Variants in ZNF438 observed in about 807,000 individuals in gnomAD.
ZNF438 encodes zinc finger protein 438.
ZNF438 carries 25 observed loss-of-function variants against 38.0 expected under a neutral mutation model. The observed-to-expected ratio is 0.66, with a 90% confidence interval of 0.48 to 0.92. ZNF438 has a LOEUF of 0.92. Ranked by LOEUF, ZNF438 falls within the 40% of genes least tolerant of loss-of-function variation. The pLI, the probability that ZNF438 is intolerant of heterozygous loss-of-function variation, is 0.00. For missense variants in ZNF438, 1,007 were observed against 999.6 expected (o/e 1.01, Z -0.10); for synonymous variants, 372 against 364.1 (o/e 1.02, Z -0.25).
rs183418518 is a variant in ZNF438, at chr10:31,014,969, C to G, written c.-192+16864G>C. 4.7e-3 allele frequency among the ~76,000 whole-genome samples: 713 copies of G among 152,214 alleles called. 8 individuals carry two copies. Among genetic ancestry groups the G allele is most frequent in the African/African-American group, 0.016 (668 of 41,514 alleles). The stretch of plus-strand genomic sequence containing the variant: ...AACTCCTGAGCTGAAGTCATCCCCC[C>G]ACTTCAGCCTCCTGAGTAGCAGAGA... On this transcript the variant is annotated intron_variant, in intron 1 of 5. Transcript: ENST00000413025.
chr10:30,866,681 A>C (rs1337439409), intron 4 of ZNF438, among the ~76,000 whole-genome samples: 2 of 152,074 alleles, frequency 1.3e-5, no homozygotes, highest in African/African-American at 4.8e-5. Context: ...AAAAATACAA[A>C]AAATTAGCCG....
intron 1 of ZNF438, among the ~76,000 whole-genome samples, chr10:31,010,972 T>C (rs1042808199): frequency 6.7e-6 from 1 of 148,322 alleles, no homozygotes; most frequent in Non-Finnish European, 1.5e-5. Context: ...ATTAGAACTA[T>C]GTTAACTTTT....
At chr10:30,904,987 G>A (rs1279576774) in intron 3 of ZNF438, among the ~76,000 whole-genome samples, 1 of 152,138 alleles carries the variant, frequency 6.6e-6, no homozygotes, top group Non-Finnish European at 1.5e-5. Context: ...AAGCTCTAGA[G>A]GGTAGGGTTC....
intron 1 of ZNF438, among the ~76,000 whole-genome samples, chr10:30,971,263 CT>C: frequency 6.6e-6 from 1 of 152,274 alleles, no homozygotes; most frequent in Middle Eastern, 3.4e-3. Context: ...CTCATAGTAA[CT>C]ACGCAGTAAG....
rs1356373596 is a variant in ZNF438 at position 30,857,710 on chromosome 10, G to T, written c.38-7343C>A. The T allele has an allele frequency of 2.7e-6, 4 of 1,505,250 alleles. No homozygotes were observed. The Admixed American group carries it at 6.0e-5, about 23-fold the overall frequency. The allele number at this position is 1,505,250 out of a possible 1,614,324, so 93.2% of individuals were successfully genotyped here. A position where few individuals can be genotyped will look rare whatever the true frequency, so the allele number is the denominator to read the frequency against. ...ATAGGACTCTGAGAAATCCAGAAAG[G>T]CTGTTGGATATTTGGAGAATGTGCA... On this transcript the variant is annotated intron_variant, in intron 4 of 5. Transcript: ENST00000413025.
rs1218250653 is a variant in ZNF438 at position 31,005,174 on chromosome 10, C to A, written c.-192+26659G>T. Among the ~76,000 whole-genome samples the A allele has an allele frequency of 2.0e-5, 3 of 152,146 alleles. No individual in the cohort carries two copies. In the East Asian group the frequency reaches 5.8e-4, roughly 29 times the overall value. ...ACTTGCACTCCCATGTTCACTGTAGCATGAGCCAAGATTTAGAAACAATAA... is the reference window on the plus strand; with the variant it reads ...ACTTGCACTCCCATGTTCACTGTAGAATGAGCCAAGATTTAGAAACAATAA... On this transcript the variant is annotated intron_variant, in intron 1 of 5. Coordinates refer to ENST00000413025, the Ensembl canonical transcript of ZNF438.
At chr10:30,859,476 T>C (rs1245576618) in intron 4 of ZNF438, among the ~76,000 whole-genome samples, 2 of 152,200 alleles carry the variant, frequency 1.3e-5, no homozygotes, top group Admixed American at 6.5e-5. Flanking sequence ...CTCTGCATGC[T>C]GACTGTAAGC....
exon 5 of ZNF438, chr10:30,849,997 T>C: frequency 5.6e-6 from 9 of 1,614,068 alleles, no homozygotes; most frequent in Non-Finnish European, 7.6e-6. Flanking sequence ...TCAGGATGGG[T>C]TTCTTTCTTG....
intron 1 of ZNF438, among the ~76,000 whole-genome samples, chr10:30,957,161 A>T (rs1008837993): frequency 6.6e-6 from 1 of 152,046 alleles, no homozygotes; most frequent in Non-Finnish European, 1.5e-5. Context: ...ACATTTTTTC[A>T]TATGTCTGTT....
At chr10:30,972,696 G>T (rs1453309305) in intron 1 of ZNF438, among the ~76,000 whole-genome samples, 2 of 152,114 alleles carry the variant, frequency 1.3e-5, no homozygotes, top group Non-Finnish European at 2.9e-5. Flanking sequence ...AAAAGACCAA[G>T]ACTTCAATGA....
At chr10:30,901,054 T>C (rs2041914521) in intron 3 of ZNF438, among the ~76,000 whole-genome samples, 2 of 152,240 alleles carry the variant, frequency 1.3e-5, no homozygotes, top group African/African-American at 4.8e-5. Flanking sequence ...CTTTGCTGTT[T>C]GGTATTTGCA....
At chr10:30,867,307 C>A (rs2133329559) in intron 4 of ZNF438, among the ~76,000 whole-genome samples, 1 of 134,320 alleles carries the variant, frequency 7.4e-6, no homozygotes, top group South Asian at 2.4e-4. Context: ...TAAATCAATG[C>A]CAGTCTTCTC....
At chr10:30,899,533 T>C (rs368145315) in intron 3 of ZNF438, among the ~76,000 whole-genome samples, 3 of 152,320 alleles carry the variant, frequency 2.0e-5, no homozygotes, top group East Asian at 1.9e-4. Flanking sequence ...AATACTATAC[T>C]CTTAAGGTAC....
intron 2 of ZNF438, among the ~76,000 whole-genome samples, chr10:30,936,898 T>C (rs981259100): frequency 1.3e-5 from 2 of 152,182 alleles, no homozygotes; most frequent in African/African-American, 4.8e-5. Context: ...CTCTAATTAA[T>C]GTGGTTCATT....
chr10:30,980,695 G>A (rs769154657), intron 1 of ZNF438, among the ~76,000 whole-genome samples: 2 of 152,164 alleles, frequency 1.3e-5, no homozygotes, highest in African/African-American at 2.4e-5. Context: ...AGAACAGATG[G>A]CATTTAAAAC....
At chr10:30,980,038 G>A (rs897991711) in intron 1 of ZNF438, among the ~76,000 whole-genome samples, 7 of 152,130 alleles carry the variant, frequency 4.6e-5, no homozygotes, top group African/African-American at 9.7e-5. Context: ...GTGGGATCAC[G>A]GAACCAGGAG....
At chr10:30,982,892 A>G (rs1589567008) in intron 1 of ZNF438, among the ~76,000 whole-genome samples, 1 of 152,202 alleles carries the variant, frequency 6.6e-6, no homozygotes, top group Admixed American at 6.5e-5. Flanking sequence ...TTTTAGCTCA[A>G]TTACAGAAAT....
chr10:31,030,476 C>T (rs1052563683), intron 1 of ZNF438, among the ~76,000 whole-genome samples: 3 of 152,224 alleles, frequency 2.0e-5, no homozygotes, highest in Non-Finnish European at 1.5e-5. Flanking sequence ...CTTAGCCTTT[C>T]ATTTGCACTC....
intron 2 of ZNF438, among the ~76,000 whole-genome samples, chr10:30,927,114 CAA>C (rs1489765582): frequency 3.3e-5 from 5 of 152,310 alleles, no homozygotes; most frequent in Admixed American, 1.3e-4. Context: ...CGTGCCAAGA[CAA>C]GAGATTTCAG....
Sources: gnomAD v4.1 joint callset for allele counts (sites outside exome capture counted in the v4.1 genomes callset) on GRCh38, gnomAD v4.1.1 for gene constraint, MANE v1.5 for transcripts, NCBI Gene and HGNC (gene_info 2026-07-23, HGNC 2026-07-21) for gene names.